Variants in ANKFN1 observed in about 807,000 individuals in gnomAD.
ANKFN1 encodes ankyrin repeat and fibronectin type-III domain-containing protein 1.
ANKFN1 carries 74 observed loss-of-function variants against 108.7 expected under a neutral mutation model. The ratio of observed to expected loss-of-function variants is 0.68; its 90% CI spans 0.56 to 0.83. The LOEUF is 0.83. Among genes scored for constraint, ANKFN1 ranks in the 40% least tolerant of loss-of-function variants. The pLI, the probability that ANKFN1 is intolerant of heterozygous loss-of-function variation, is 0.00. For synonymous variants in ANKFN1, 547 were observed against 516.2 expected, an observed-to-expected ratio of 1.06 and a Z score of -0.81; for missense variants, 1,505 against 1,382.3, an observed-to-expected ratio of 1.09 and a Z score of -1.41.
intron 19 of ANKFN1, among the ~76,000 whole-genome samples, chr17:56,492,619 GA>G (rs1220340590): frequency 6.6e-6 from 1 of 152,018 alleles, no homozygotes; most frequent in African/African-American, 2.4e-5. Context: ...ATACGGGAGA[GA>G]AAAATCACCC....
chr17:56,256,721 G>A (rs1026902728), intron 3 of ANKFN1, among the ~76,000 whole-genome samples: 1 of 152,116 alleles, frequency 6.6e-6, no homozygotes, highest in African/African-American at 2.4e-5. Context: ...CAAATCTACA[G>A]AGTGGCTAAT....
At chr17:56,387,265 C>A (rs2047302313) in intron 8 of ANKFN1, among the ~76,000 whole-genome samples, 1 of 151,408 alleles carries the variant, frequency 6.6e-6, no homozygotes, top group Admixed American at 6.6e-5. Flanking sequence ...CTTTATTTTT[C>A]TTGTTTTCTA....
chr17:56,207,379 A>G (rs1042492153), intron 1 of ANKFN1, among the ~76,000 whole-genome samples: 12 of 152,268 alleles, frequency 7.9e-5, no homozygotes, highest in African/African-American at 2.6e-4. Flanking sequence ...TCTTTGAGTG[A>G]TGCACCTCCT....
chr17:56,264,845 G>A (rs979363909), intron 3 of ANKFN1, among the ~76,000 whole-genome samples: 3 of 152,098 alleles, frequency 2.0e-5, no homozygotes, highest in Admixed American at 2.0e-4. Context: ...TTGGGACCCA[G>A]GAAACTTATT....
At chr17:56,504,813 C>G (rs996339158) in intron 20 of ANKFN1, among the ~76,000 whole-genome samples, 2 of 148,876 alleles carry the variant, frequency 1.3e-5, no homozygotes, top group South Asian at 2.2e-4. Context: ...CACCACCACA[C>G]CTGGCTAATT....
At chr17:56,437,082 C>G (rs1333751731) in intron 8 of ANKFN1, among the ~76,000 whole-genome samples, 1 of 152,088 alleles carries the variant, frequency 6.6e-6, no homozygotes, top group Non-Finnish European at 1.5e-5. Flanking sequence ...TTCTCTAGCC[C>G]CTTCCCTTTT....
intron 4 of ANKFN1, among the ~76,000 whole-genome samples, chr17:56,084,517 C>T (rs1905284629): frequency 6.6e-6 from 1 of 151,310 alleles, no homozygotes; most frequent in South Asian, 2.1e-4. Context: ...GTGACTGAGC[C>T]TCTATCGTGT....
At chr17:56,101,880 C>G (rs1171862537) in intron 4 of ANKFN1, among the ~76,000 whole-genome samples, 1 of 152,166 alleles carries the variant, frequency 6.6e-6, no homozygotes, top group African/African-American at 2.4e-5. Flanking sequence ...ATCAGAGTCT[C>G]TGGAGGTAGG....
intron 4 of ANKFN1, among the ~76,000 whole-genome samples, chr17:56,119,734 A>G (rs138072865): frequency 3.3e-5 from 5 of 152,302 alleles, no homozygotes; most frequent in African/African-American, 1.2e-4. Context: ...GCAAATGTTG[A>G]AAGTTTTACT....
chr17:56,446,880 A>G (rs1401839464), intron 10 of ANKFN1, among the ~76,000 whole-genome samples: 1 of 150,826 alleles, frequency 6.6e-6, no homozygotes, highest in African/African-American at 2.4e-5. Flanking sequence ...ACTCCAGCCT[A>G]GGCAACAGAA....
At chr17:56,054,181 A>G (rs1479774495) in intron 4 of ANKFN1, among the ~76,000 whole-genome samples, 1 of 152,238 alleles carries the variant, frequency 6.6e-6, no homozygotes, top group Non-Finnish European at 1.5e-5. Context: ...CAAAGAGCTG[A>G]AAGTAGATCT....
chr17:56,235,262 G>A (rs975181733), intron 3 of ANKFN1, among the ~76,000 whole-genome samples: 2 of 152,058 alleles, frequency 1.3e-5, no homozygotes, highest in Non-Finnish European at 2.9e-5. Context: ...AGACCTTTGC[G>A]AGATGCATAG....
intron 1 of ANKFN1, chr17:56,174,420 C>T (rs1910941309): frequency 1.0e-6 from 1 of 984,956 alleles, no homozygotes; most frequent in Middle Eastern, 5.2e-4. Context: ...CCAAATCTTC[C>T]AAGCAGTGAT....
At chr17:56,094,427 C>A in intron 4 of ANKFN1, among the ~76,000 whole-genome samples, 1 of 147,742 alleles carries the variant, frequency 6.8e-6, no homozygotes, top group African/African-American at 2.5e-5. Flanking sequence ...TGCATTATAG[C>A]AGAAATGACT....
intron 8 of ANKFN1, among the ~76,000 whole-genome samples, chr17:56,430,980 G>A (rs1381352054): frequency 6.6e-6 from 1 of 152,208 alleles, no homozygotes; most frequent in Non-Finnish European, 1.5e-5. Context: ...ATAGAAGTCG[G>A]AGGTCGGAAG....
chr17:56,373,919 GC>G (rs1360262571), intron 7 of ANKFN1, among the ~76,000 whole-genome samples: 1 of 152,188 alleles, frequency 6.6e-6, no homozygotes, highest in African/African-American at 2.4e-5. Context: ...TACGTGTTAA[GC>G]AATACTAAAA....
At chr17:56,135,961 A>G (rs1441477896) in intron 4 of ANKFN1, among the ~76,000 whole-genome samples, 1 of 152,228 alleles carries the variant, frequency 6.6e-6, no homozygotes, top group Non-Finnish European at 1.5e-5. Context: ...AATTCCACAG[A>G]GATTGTAGTG....
intron 1 of ANKFN1, among the ~76,000 whole-genome samples, chr17:56,175,077 A>G (rs1442763189): frequency 1.3e-5 from 2 of 152,180 alleles, no homozygotes; most frequent in Admixed American, 1.3e-4. Context: ...GTTTGTATTA[A>G]GCAAATATTT....
chr17:56,348,976 C>T (rs983885717), intron 4 of ANKFN1, among the ~76,000 whole-genome samples: 4 of 152,120 alleles, frequency 2.6e-5, no homozygotes, highest in African/African-American at 4.8e-5. Flanking sequence ...CAGAATCAAC[C>T]TAAATGCCCA....
Sources: allele counts gnomAD v4.1 joint callset (sites outside exome capture counted in the v4.1 genomes callset), GRCh38; gene constraint gnomAD v4.1.1; transcripts MANE v1.5; gene names NCBI Gene and HGNC (gene_info 2026-07-23, HGNC 2026-07-21).